The following SORCS1 variants were observed in gnomAD, a reference collection of about 807,000 sequenced individuals.
SORCS1 encodes VPS10 domain-containing receptor SorCS1.
Under a neutral mutation model 146.1 loss-of-function variants are expected in SORCS1, and 60 were observed. The observed-to-expected ratio is 0.41, with a 90% confidence interval of 0.33 to 0.51. SORCS1 has a LOEUF of 0.51. SORCS1 is among the 20% of genes least tolerant of loss of function. The pLI is 0.21. For missense variants in SORCS1, 1,352 were observed against 1,487.6 expected, an observed-to-expected ratio of 0.91 and a Z score of 1.50; for synonymous variants, 637 against 584.0, an observed-to-expected ratio of 1.09 and a Z score of -1.31.
At chr10:106,905,612 T>C (rs1201767863) in intron 2 of SORCS1, among the ~76,000 whole-genome samples, 1 of 152,200 alleles carries the variant, frequency 6.6e-6, no homozygotes, top group East Asian at 1.9e-4. Flanking sequence ...CTAATTAAAA[T>C]AGTTATAATA....
the SORCS1 span, among the ~76,000 whole-genome samples, chr10:107,171,296 A>C: frequency 6.6e-6 from 1 of 152,198 alleles, no homozygotes; most frequent in Admixed American, 6.5e-5. Flanking sequence ...CAGAAGGTTC[A>C]CTCTGGAAGC....
chr10:106,761,603 G>A lies in SORCS1; in HGVS notation c.944C>T (p.Pro315Leu). Residue 315 changes from proline to leucine, a missense_variant, in exon 5 of 26, where the codon CCA becomes CTA. Pro to Leu is a moderately conservative substitution (Grantham distance 98, BLOSUM62 -3). This residue lies in a region of SORCS1 where 490 missense variants were observed against 489.1 expected (regional missense o/e 1.00). Transcript: ENST00000263054. ...RWQLIQEGVVPNRFYWSVMGS... is the reference protein window; with the variant it reads ...RWQLIQEGVVLNRFYWSVMGS... ...TGAGACTTACCAGTAGAACCTGTTT[G>A]GTACAACCCCTTCTTGGATAAGCTG... The A allele has an allele frequency of 6.2e-7, 1 of 1,614,050 alleles. No individual in the cohort carries two copies. Among genetic ancestry groups the A allele is most frequent in the Non-Finnish European group, 8.5e-7 (1 of 1,179,938 alleles).
chr10:106,877,422 A>G (rs929588210), intron 2 of SORCS1, among the ~76,000 whole-genome samples: 2 of 152,010 alleles, frequency 1.3e-5, no homozygotes, highest in Admixed American at 1.3e-4. Context: ...GTTTCTACAA[A>G]AAAAAAAATT....
intron 2 of SORCS1, among the ~76,000 whole-genome samples, chr10:106,873,503 T>G (rs1262095298): frequency 1.3e-5 from 2 of 152,126 alleles, no homozygotes; most frequent in African/African-American, 4.8e-5. Context: ...GAAGGTGAAT[T>G]GGTGGCATAT....
At chr10:106,787,439 A>G (rs1199217251) in intron 3 of SORCS1, among the ~76,000 whole-genome samples, 2 of 152,206 alleles carry the variant, frequency 1.3e-5, no homozygotes, top group East Asian at 3.8e-4. Context: ...CCAGGCCCAC[A>G]TAAAACCATC....
chr10:106,769,618 G>C (rs1304208893), intron 4 of SORCS1, among the ~76,000 whole-genome samples: 1 of 152,130 alleles, frequency 6.6e-6, no homozygotes, highest in African/African-American at 2.4e-5. Flanking sequence ...AGGACTGGTA[G>C]AGAGAGAAAG....
chr10:106,611,587 C>T (rs1846991483), intron 22 of SORCS1, among the ~76,000 whole-genome samples: 3 of 152,148 alleles, frequency 2.0e-5, no homozygotes, highest in African/African-American at 7.2e-5. Flanking sequence ...TCCTAATGGC[C>T]TAATTGTGAA....
At chr10:106,686,894 C>A (rs368552393) in intron 10 of SORCS1, among the ~76,000 whole-genome samples, 6 of 152,094 alleles carry the variant, frequency 3.9e-5, no homozygotes, top group East Asian at 1.9e-4. Flanking sequence ...AAGCTGAGTG[C>A]GGATAACATC....
At chr10:106,646,358 C>T (rs2133716214) in intron 18 of SORCS1, among the ~76,000 whole-genome samples, 1 of 152,190 alleles carries the variant, frequency 6.6e-6, no homozygotes, top group South Asian at 2.1e-4. Context: ...AAAGTCTTTG[C>T]ATAACACAAG....
chr10:106,786,615 T>C (rs140025866), intron 3 of SORCS1, among the ~76,000 whole-genome samples: 1,940 of 151,952 alleles, frequency 0.013, 20 homozygotes, highest in African/African-American at 0.025. Context: ...TGGGCCAGAC[T>C]TAATGGGAGG....
intron 21 of SORCS1, among the ~76,000 whole-genome samples, chr10:106,612,558 G>A (rs149128122): frequency 1.3e-5 from 2 of 151,952 alleles, no homozygotes; most frequent in Non-Finnish European, 2.9e-5. Flanking sequence ...GCAAATGCAG[G>A]GTGCCATGTT....
chr10:107,107,606 C>G (rs1407805036), intron 1 of SORCS1, among the ~76,000 whole-genome samples: 1 of 152,180 alleles, frequency 6.6e-6, no homozygotes, highest in African/African-American at 2.4e-5. Flanking sequence ...AATTGTATCT[C>G]CCACAGCAAC....
At chr10:107,075,367 A>G (rs1471220518) in intron 1 of SORCS1, among the ~76,000 whole-genome samples, 1 of 152,162 alleles carries the variant, frequency 6.6e-6, no homozygotes, top group African/African-American at 2.4e-5. Flanking sequence ...CCTAATGAAA[A>G]CAAAGGTCTT....
chr10:106,951,813 G>T (rs1048591339), intron 2 of SORCS1, among the ~76,000 whole-genome samples: 10 of 152,190 alleles, frequency 6.6e-5, no homozygotes, highest in African/African-American at 2.4e-4. Flanking sequence ...ACTTGCCTGA[G>T]GTCATAGTCC....
intron 1 of SORCS1, among the ~76,000 whole-genome samples, chr10:107,055,911 C>A (rs1358588268): frequency 2.0e-5 from 3 of 152,152 alleles, no homozygotes; most frequent in Non-Finnish European, 4.4e-5. Context: ...TACCTTTTTT[C>A]TTCTGAATAC....
chr10:106,957,324 C>T (rs1427846232), intron 1 of SORCS1, among the ~76,000 whole-genome samples: 1 of 151,892 alleles, frequency 6.6e-6, no homozygotes, highest in African/African-American at 2.4e-5. Context: ...CAGTTGCCCA[C>T]CACCACGCCC....
chr10:107,061,295 C>G lies in SORCS1; in HGVS notation c.558+102674G>C, dbSNP rs566168473. On this transcript the variant is annotated intron_variant, in intron 1 of 25. Coordinates refer to ENST00000263054, the MANE Select transcript of SORCS1 (RefSeq NM_052918.5). ...ACATGAAAGGTAAAAGGAATAAATT[C>G]CCAAGCAAACATTAGTATGGTATCA... Among the ~76,000 whole-genome samples the G allele has an allele frequency of 7.5e-4, 114 of 152,082 alleles. 1 individual carries two copies. Among genetic ancestry groups the G allele is most frequent in the African/African-American group, 2.7e-3 (111 of 41,500 alleles).
At chr10:106,986,582 C>T (rs970132661) in intron 1 of SORCS1, among the ~76,000 whole-genome samples, 7 of 151,680 alleles carry the variant, frequency 4.6e-5, no homozygotes, top group African/African-American at 1.7e-4. Flanking sequence ...TACCCCATCT[C>T]TCTCTTTCCT....
rs536372213 is a variant in SORCS1 at position 106,733,853 on chromosome 10, G to A, written c.960-3739C>T. 7.2e-4 allele frequency among the ~76,000 whole-genome samples: 109 copies of A among 152,198 alleles called. 1 individual carries two copies. Among genetic ancestry groups the A allele is most frequent in the African/African-American group, 2.5e-3 (102 of 41,536 alleles). ...TTTGTTTTATGCCTCTAGATTATCC[G>A]ACACATATCACTGTCATAGTTCATA... On this transcript the variant is annotated intron_variant, in intron 5 of 25. Transcript: ENST00000263054.
Sources: allele counts gnomAD v4.1 joint callset (sites outside exome capture counted in the v4.1 genomes callset), GRCh38; gene constraint gnomAD v4.1.1; regional missense constraint gnomAD v4.1.1; transcripts MANE v1.5; gene names NCBI Gene and HGNC (gene_info 2026-07-23, HGNC 2026-07-21).